The following SLC30A7 variants were observed in gnomAD, a reference collection of about 807,000 sequenced individuals.
The protein encoded by SLC30A7 is solute carrier family 30 member 7, also known as zinc transporter 7.
Under a neutral mutation model 46.0 loss-of-function variants are expected in SLC30A7, and 35 were observed. The ratio of observed to expected loss-of-function variants is 0.76; its 90% CI spans 0.58 to 1.01. SLC30A7 has a LOEUF of 1.01. Ranked by LOEUF, SLC30A7 falls within the 50% of genes least tolerant of loss-of-function variation. The pLI, the probability that SLC30A7 is intolerant of heterozygous loss-of-function variation, is 0.00. For missense variants in SLC30A7, 464 were observed against 451.1 expected (o/e 1.03, Z -0.26); for synonymous variants, 147 against 157.8 (o/e 0.93, Z 0.51).
chr1:100,936,222 A>G (rs932183584), intron 8 of SLC30A7, among the ~76,000 whole-genome samples: 2 of 152,130 alleles, frequency 1.3e-5, no homozygotes, highest in African/African-American at 4.8e-5. Flanking sequence ...GCAATAGAGA[A>G]CTTACTAATT....
chr1:100,991,885 T>C, the SLC30A7 span, among the ~76,000 whole-genome samples: 310 of 150,870 alleles, frequency 2.1e-3, 1 homozygote, highest in African/African-American at 7.3e-3. Flanking sequence ...GGTGGGAGGA[T>C]TGCTTGAGCC....
chr1:100,975,824 CTA>C lies in SLC30A7; in HGVS notation c.*969_*970del, dbSNP rs1656445881. On this transcript the variant is annotated 3_prime_UTR_variant, in exon 11 of 11. Coordinates refer to ENST00000357650, the MANE Select transcript of SLC30A7 (RefSeq NM_133496.5). ...TACAGGTGTGAGCCACCACGCCCGG[CTA>C]TGTTTTTTTTTTTTTTTTTTTTTTT... 2.6e-5 allele frequency: 3 copies of C among 114,472 alleles called. No individual in the cohort carries two copies. The South Asian group carries it at 9.6e-4, about 36-fold the overall frequency. The allele number at this position is 114,472 out of a possible 1,614,324, so 7.1% of individuals were successfully genotyped here. A position where few individuals can be genotyped will look rare whatever the true frequency, so the allele number is the denominator to read the frequency against.
chr1:100,949,576 GA>G (rs1654845794), intron 8 of SLC30A7, among the ~76,000 whole-genome samples: 1 of 152,250 alleles, frequency 6.6e-6, no homozygotes, highest in Non-Finnish European at 1.5e-5. Flanking sequence ...TAAGTCTGCA[GA>G]AGTTTCTGCT....
intron 8 of SLC30A7, among the ~76,000 whole-genome samples, chr1:100,948,467 C>T (rs1654770057): frequency 6.6e-6 from 1 of 152,130 alleles, no homozygotes; most frequent in Non-Finnish European, 1.5e-5. Context: ...CTCTGGCTGC[C>T]CTTAACATTT....
the SLC30A7 span, among the ~76,000 whole-genome samples, chr1:100,988,387 A>G: frequency 1.3e-5 from 2 of 152,316 alleles, no homozygotes; most frequent in Non-Finnish European, 2.9e-5. Flanking sequence ...TTTTGTCCAC[A>G]GTTTATAATT....
At chr1:100,983,402 AAAAC>A (rs776744374), downstream of SLC30A7, among the ~76,000 whole-genome samples, 15,366 of 139,012 alleles carry the variant, frequency 0.11, 941 homozygotes, top group Non-Finnish European at 0.15. Flanking sequence ...AAAACAAAAC[AAAAC>A]AAAAAAAACT....
chr1:100,932,924 G>T (rs377591005), intron 8 of SLC30A7, among the ~76,000 whole-genome samples: 1 of 151,466 alleles, frequency 6.6e-6, no homozygotes, highest in Non-Finnish European at 1.5e-5. Context: ...CTCCCTTCCA[G>T]CCAGTTATTT....
Position 100,955,803 on chromosome 1 carries a change from T to C in SLC30A7, c.843-6025T>C, listed in dbSNP as rs1655190279. Among the ~76,000 whole-genome samples the C allele has an allele frequency of 2.0e-5, 3 of 152,106 alleles. No individual in the cohort carries two copies. The South Asian group carries it at 6.2e-4, about 31-fold the overall frequency. The stretch of plus-strand genomic sequence containing the variant: ...AAGGTTTCTTTTACATTTTTATGAC[T>C]CTTTAAATTATTATAGAAATTGGCC... On this transcript the variant is annotated intron_variant, in intron 8 of 10. Coordinates refer to ENST00000357650, the MANE Select transcript of SLC30A7 (RefSeq NM_133496.5).
At chr1:100,898,125 G>A (rs140613385) in intron 2 of SLC30A7, among the ~76,000 whole-genome samples, 31 of 145,142 alleles carry the variant, frequency 2.1e-4, no homozygotes, top group African/African-American at 5.4e-4. Context: ...ATCATAGCTT[G>A]TATATGCATA....
chr1:100,993,926 T>C, the SLC30A7 span, among the ~76,000 whole-genome samples: 1 of 151,984 alleles, frequency 6.6e-6, no homozygotes, highest in East Asian at 1.9e-4. Flanking sequence ...GTATTTTTAG[T>C]ACAGACGGGG....
chr1:100,969,012 A>T (rs1265117832), intron 10 of SLC30A7, among the ~76,000 whole-genome samples: 2 of 152,216 alleles, frequency 1.3e-5, no homozygotes, highest in African/African-American at 4.8e-5. Flanking sequence ...GAAATGTGTC[A>T]TTAGGTCCCT....
chr1:100,993,559 AATATATATATATATAT>A, the SLC30A7 span, among the ~76,000 whole-genome samples: 120 of 56,534 alleles, frequency 2.1e-3, 5 homozygotes, highest in East Asian at 0.026. Context: ...CGAAAATATA[AATATATATATATATAT>A]ATATATATAT....
the SLC30A7 span, chr1:100,992,747 G>A: frequency 6.3e-7 from 1 of 1,598,436 alleles, no homozygotes; most frequent in Non-Finnish European, 8.6e-7. Flanking sequence ...TCCCCTATAG[G>A]CAGAAAACTA....
At chr1:100,908,515 A>G (rs1190324849) in intron 3 of SLC30A7, among the ~76,000 whole-genome samples, 21 of 152,210 alleles carry the variant, frequency 1.4e-4, no homozygotes, top group Admixed American at 1.4e-3. Context: ...TAAGCAAGGG[A>G]TATGGTTATT....
At chr1:100,969,557 T>C (rs1322440203) in intron 10 of SLC30A7, among the ~76,000 whole-genome samples, 1 of 152,228 alleles carries the variant, frequency 6.6e-6, no homozygotes, top group Non-Finnish European at 1.5e-5. Context: ...AAGGAGGTTC[T>C]TCCGGTAACT....
At chr1:100,954,446 A>G (rs1655124243) in intron 8 of SLC30A7, among the ~76,000 whole-genome samples, 1 of 152,214 alleles carries the variant, frequency 6.6e-6, no homozygotes, top group South Asian at 2.1e-4. Flanking sequence ...ATTAAGTGCT[A>G]TCTAAACAAT....
In SLC30A7 at chr1:100,896,550, T is replaced by C. The variant is rs1650949994; in HGVS notation, c.81-20T>C. On this transcript the variant is annotated intron_variant, in intron 1 of 10. Coordinates refer to ENST00000357650, the MANE Select transcript of SLC30A7 (RefSeq NM_133496.5). ...ACCTCCTTAACTCTCCCGGCTCTTT[T>C]CCACGTGTATCATTCCCAGGTCTAT... 6.2e-7 allele frequency: 1 copy of C among 1,609,570 alleles called. No individual in the cohort carries two copies. The highest frequency in any genetic ancestry group is 1.7e-5 in the Admixed American group (1 of 59,946).
the SLC30A7 span, among the ~76,000 whole-genome samples, chr1:100,988,661 C>A: frequency 6.6e-6 from 1 of 151,628 alleles, no homozygotes; most frequent in Non-Finnish European, 1.5e-5. Context: ...GCCTGGCCAA[C>A]ATGGCGAAAC....
rs537087992 is a variant in SLC30A7 at position 100,921,673 on chromosome 1, A to G, written c.707-33A>G. The stretch of plus-strand genomic sequence containing the variant: ...ATTCGTATTTTAAATTAACCAAAAG[A>G]CTGTTTTGATTTTTATTATGGTTTA... On this transcript the variant is annotated intron_variant, in intron 7 of 10. Coordinates refer to ENST00000357650, the MANE Select transcript of SLC30A7 (RefSeq NM_133496.5). The G allele has an allele frequency of 1.0e-5, 16 of 1,555,766 alleles. No homozygotes were observed. In the South Asian group the frequency reaches 1.3e-4, roughly 13 times the overall value.
Sources: allele counts gnomAD v4.1 joint callset (sites outside exome capture counted in the v4.1 genomes callset), GRCh38; gene constraint gnomAD v4.1.1; transcripts MANE v1.5; gene names NCBI Gene and HGNC (gene_info 2026-07-23, HGNC 2026-07-21).